NRXN1: variants seen among roughly 807,000 people sequenced by gnomAD.
NRXN1 encodes neurexin-1.
In NRXN1, 39 loss-of-function variants were observed where a neutral mutation model predicts 150.9. The observed-to-expected ratio is 0.26, with a 90% CI of 0.20 to 0.34. The LOEUF (loss-of-function observed/expected upper bound fraction) is 0.34, where lower values mean the gene tolerates loss of function less well. Among genes scored for constraint, NRXN1 ranks in the 10% least tolerant of loss-of-function variants. NRXN1 has a pLI of 1.00. For synonymous variants in NRXN1, 924 were observed against 757.0 expected, an observed-to-expected ratio of 1.22 and a Z score of -3.62; for missense variants, 1,815 against 1,949.9, an observed-to-expected ratio of 0.93 and a Z score of 1.30.
At chr2:50,072,603 A>C (rs1374385293) in intron 19 of NRXN1, among the ~76,000 whole-genome samples, 1 of 111,564 alleles carries the variant, frequency 9.0e-6, no homozygotes, top group South Asian at 2.4e-4. Context: ...TAGTCATGGC[A>C]AAAAAAAAAA....
chr2:50,504,273 A>G (rs569256666), intron 13 of NRXN1, among the ~76,000 whole-genome samples: 1 of 152,278 alleles, frequency 6.6e-6, no homozygotes, highest in South Asian at 2.1e-4. Flanking sequence ...AGAAAAATAA[A>G]TTGTTATCTA....
At chr2:50,373,273 C>T (rs1439848575) in intron 17 of NRXN1, among the ~76,000 whole-genome samples, 1 of 137,138 alleles carries the variant, frequency 7.3e-6, no homozygotes, top group Admixed American at 7.5e-5. Context: ...ATGTCCATAT[C>T]AGATTTATTT....
chr2:50,116,385 C>T, intron 18 of NRXN1, among the ~76,000 whole-genome samples: 1 of 152,002 alleles, frequency 6.6e-6, no homozygotes, highest in East Asian at 1.9e-4. Context: ...TCAATTAAAG[C>T]CTCCATCTAG....
intron 5 of NRXN1, among the ~76,000 whole-genome samples, chr2:50,808,781 T>G (rs2105747968): frequency 6.6e-6 from 1 of 152,240 alleles, no homozygotes; most frequent in South Asian, 2.1e-4. Flanking sequence ...ACTAAAATAT[T>G]TCTTCGCTGA....
chr2:50,657,774 A>T (rs1686704552), intron 5 of NRXN1, among the ~76,000 whole-genome samples: 1 of 152,040 alleles, frequency 6.6e-6, no homozygotes, highest in South Asian at 2.1e-4. Flanking sequence ...CCTTCCTTTA[A>T]ATCACAAGGA....
intron 17 of NRXN1, chr2:50,312,886 T>C: frequency 2.2e-6 from 1 of 446,978 alleles, no homozygotes; most frequent in South Asian, 1.6e-5. Context: ...GCTTGAGCAC[T>C]ACATAAGCAA....
chr2:50,096,953 C>G (rs938305382), intron 18 of NRXN1, among the ~76,000 whole-genome samples: 9 of 152,122 alleles, frequency 5.9e-5, no homozygotes, highest in African/African-American at 2.2e-4. Flanking sequence ...CTTGGGTATA[C>G]TTCAAGCAAG....
rs73930991 is a variant in NRXN1 at position 50,043,099 on chromosome 2, A to G, written c.4128+10172T>C. On this transcript the variant is annotated intron_variant, in intron 21 of 22. Transcript: ENST00000401669. Reference sequence around the variant, plus strand: ...GTTTACTAATAGCATACCAAATACAAATTTCAGACTAGATTCTTTATACAT... The same window carrying G: ...GTTTACTAATAGCATACCAAATACAGATTTCAGACTAGATTCTTTATACAT... Among the ~76,000 whole-genome samples the G allele has an allele frequency of 6.0e-3, 907 of 152,280 alleles. 11 individuals carry two copies. Among genetic ancestry groups the G allele is most frequent in the African/African-American group, 0.021 (872 of 41,564 alleles).
chr2:50,296,793 G>T (rs1282694128), intron 17 of NRXN1, among the ~76,000 whole-genome samples: 1 of 151,700 alleles, frequency 6.6e-6, no homozygotes, highest in African/African-American at 2.4e-5. Context: ...GTGAGAACAT[G>T]CAGTATGAAT....
At chr2:50,527,602 G>C (rs1196956282) in intron 12 of NRXN1, among the ~76,000 whole-genome samples, 5 of 152,090 alleles carry the variant, frequency 3.3e-5, no homozygotes, top group Non-Finnish European at 7.4e-5. Context: ...AGAATTATGA[G>C]TTGTAAGAGG....
intron 5 of NRXN1, among the ~76,000 whole-genome samples, chr2:50,858,960 T>G (rs148829660): frequency 3.9e-4 from 59 of 152,174 alleles, no homozygotes; most frequent in Non-Finnish European, 6.9e-4. Context: ...AACTGAGAGA[T>G]AAAGTTTTGA....
chr2:50,886,020 T>G lies in NRXN1; in HGVS notation c.832+35849A>C, dbSNP rs576108890. ...AAAGAACTCTGTAATTTGGTTTGAA[T>G]GAGCTTTTGGTTTTTTGGTTTAACT... is the stretch of plus-strand genomic sequence containing the variant. On this transcript the variant is annotated intron_variant, in intron 5 of 22. Transcript: ENST00000401669. Among the ~76,000 whole-genome samples the G allele has an allele frequency of 4.0e-5, 6 of 151,576 alleles. 1 individual carries two copies. The highest frequency in any genetic ancestry group is 1.4e-4 in the African/African-American group (6 of 41,508).
chr2:50,727,813 G>C (rs527255917), intron 5 of NRXN1, among the ~76,000 whole-genome samples: 1 of 152,218 alleles, frequency 6.6e-6, no homozygotes, highest in South Asian at 2.1e-4. Context: ...GGAGACAGGG[G>C]TTTTGAATAG....
At chr2:50,542,007 C>A (rs190645996) in intron 9 of NRXN1, among the ~76,000 whole-genome samples, 1 of 152,248 alleles carries the variant, frequency 6.6e-6, no homozygotes, top group East Asian at 1.9e-4. Context: ...GCAGGCCAGG[C>A]GTGGTGGCTC....
chr2:50,586,513 C>T (rs993343523), intron 8 of NRXN1, among the ~76,000 whole-genome samples: 10 of 151,704 alleles, frequency 6.6e-5, no homozygotes, highest in African/African-American at 2.4e-4. Context: ...AAAGTATGCA[C>T]ATATTAAATT....
At chr2:50,446,185 T>G (rs957204434) in intron 17 of NRXN1, among the ~76,000 whole-genome samples, 1 of 152,038 alleles carries the variant, frequency 6.6e-6, no homozygotes, top group Non-Finnish European at 1.5e-5. Context: ...GAAAACCGTA[T>G]CAAAATAATG....
At chr2:50,419,228 T>C (rs1173793691) in intron 17 of NRXN1, among the ~76,000 whole-genome samples, 3 of 152,098 alleles carry the variant, frequency 2.0e-5, no homozygotes, top group South Asian at 2.1e-4. Flanking sequence ...AAATAGTATA[T>C]CTGAAAGAGA....
At chr2:50,595,691 T>A (rs1225099119) in intron 8 of NRXN1, among the ~76,000 whole-genome samples, 1 of 152,158 alleles carries the variant, frequency 6.6e-6, no homozygotes, top group African/African-American at 2.4e-5. Context: ...AGAAAATGCA[T>A]ATCACTTGTA....
At chr2:50,540,827 A>G (rs2105275623) in intron 9 of NRXN1, among the ~76,000 whole-genome samples, 1 of 152,128 alleles carries the variant, frequency 6.6e-6, no homozygotes, top group South Asian at 2.1e-4. Flanking sequence ...ACAGCCAACT[A>G]ATTTTTGTAT....
Sources: gnomAD v4.1 joint callset for allele counts (sites outside exome capture counted in the v4.1 genomes callset) on GRCh38, gnomAD v4.1.1 for gene constraint, MANE v1.5 for transcripts, NCBI Gene and HGNC (gene_info 2026-07-23, HGNC 2026-07-21) for gene names.